BANK1: variants seen among roughly 807,000 people sequenced by gnomAD.
BANK1 encodes the protein B-cell scaffold protein with ankyrin repeats.
In BANK1, 95 loss-of-function variants were observed where a neutral mutation model predicts 94.5. The observed-to-expected ratio is 1.00, with a 90% CI of 0.85 to 1.19. BANK1 has a LOEUF of 1.19. Ranked by LOEUF, BANK1 falls within the 50% of genes most tolerant of loss-of-function variation. The probability of loss-of-function intolerance (pLI) is 0.00; values close to 1 mark genes in which losing one functional copy is unlikely to be tolerated. For synonymous variants in BANK1, 334 were observed against 308.4 expected (o/e 1.08, Z -0.87); for missense variants, 987 against 932.2 (o/e 1.06, Z -0.77).
At chr4:101,847,772 C>CAT (rs780642709) in intron 2 of BANK1, among the ~76,000 whole-genome samples, 3 of 141,866 alleles carry the variant, frequency 2.1e-5, no homozygotes, top group Non-Finnish European at 4.6e-5. Context: ...CACACACACA[C>CAT]ACATATGTCT....
intron 4 of BANK1, among the ~76,000 whole-genome samples, chr4:101,867,961 A>G (rs1258733863): frequency 1.3e-5 from 2 of 151,670 alleles, no homozygotes; most frequent in African/African-American, 4.8e-5. Flanking sequence ...AGTGAAGCCA[A>G]GTAAGAACTA....
At chr4:101,946,108 TCAAA>T (rs1277269844) in intron 7 of BANK1, among the ~76,000 whole-genome samples, 7 of 151,842 alleles carry the variant, frequency 4.6e-5, no homozygotes, top group Admixed American at 1.3e-4. Flanking sequence ...TTGACAATAA[TCAAA>T]CAAATGATAA....
At position 101,830,244 on chromosome 4, in the gene BANK1, G is replaced by A. The variant is rs201603698; in HGVS notation, c.469+38G>A. ...AACCTTGTTTGTTTTATTTTTATTT[G>A]TTTTTTTTTTTTTGTAATTAAAGAA... On this transcript the variant is annotated intron_variant, in intron 2 of 16. Transcript: ENST00000322953. The A allele has an allele frequency of 1.0e-5, 13 of 1,286,464 alleles. No individual in the cohort carries two copies. The African/African-American group carries it at 1.9e-4, about 18-fold the overall frequency. 79.7% of individuals were successfully genotyped at this position (1,286,464 alleles called of 1,614,324 possible).
At chr4:101,873,116 A>T (rs1560611088) in intron 5 of BANK1, among the ~76,000 whole-genome samples, 2 of 151,742 alleles carry the variant, frequency 1.3e-5, no homozygotes, top group Non-Finnish European at 2.9e-5. Context: ...CTACTCAGCC[A>T]TTTTTTTTAA....
At chr4:101,996,443 G>C (rs953330640) in intron 7 of BANK1, among the ~76,000 whole-genome samples, 4 of 152,160 alleles carry the variant, frequency 2.6e-5, no homozygotes, top group Admixed American at 2.0e-4. Context: ...ATTTAAAGTA[G>C]TGTTTTTCTA....
chr4:101,878,345 A>G (rs952092062), intron 5 of BANK1, among the ~76,000 whole-genome samples: 15 of 152,200 alleles, frequency 9.9e-5, no homozygotes, highest in African/African-American at 2.9e-4. Context: ...GACAAAAACT[A>G]TGAAAAGCGA....
At chr4:101,828,533 G>A (rs541012934) in intron 1 of BANK1, among the ~76,000 whole-genome samples, 117 of 151,806 alleles carry the variant, frequency 7.7e-4, no homozygotes, top group Admixed American at 2.0e-3. Context: ...TGTGAATCAA[G>A]TTTTCTGCTT....
chr4:101,814,704 G>A (rs1431147109), intron 1 of BANK1, among the ~76,000 whole-genome samples: 1 of 152,150 alleles, frequency 6.6e-6, no homozygotes, highest in Non-Finnish European at 1.5e-5. Context: ...GTGACCTTGG[G>A]CAAGTCTCTT....
intron 5 of BANK1, among the ~76,000 whole-genome samples, chr4:101,883,880 C>T (rs368935267): frequency 4.6e-5 from 7 of 152,292 alleles, no homozygotes; most frequent in African/African-American, 1.4e-4. Flanking sequence ...CTCAAATCAT[C>T]AATAACTCTT....
At chr4:101,876,324 T>C (rs1400666514) in intron 5 of BANK1, among the ~76,000 whole-genome samples, 4 of 152,166 alleles carry the variant, frequency 2.6e-5, no homozygotes, top group Admixed American at 2.6e-4. Context: ...AAAGGGAACC[T>C]TGTCTATCCC....
chr4:101,943,000 C>G (rs1364582643), intron 7 of BANK1, among the ~76,000 whole-genome samples: 1 of 151,824 alleles, frequency 6.6e-6, no homozygotes, highest in Non-Finnish European at 1.5e-5. Flanking sequence ...AAATGCCATT[C>G]TACCTCTAAA....
intron 10 of BANK1, among the ~76,000 whole-genome samples, chr4:102,037,201 A>G (rs964564019): frequency 6.6e-6 from 1 of 152,220 alleles, no homozygotes; most frequent in Non-Finnish European, 1.5e-5. Context: ...TAAGAACAGT[A>G]CTAGTGACAT....
At chr4:102,051,844 C>G (rs1728057613) in intron 11 of BANK1, among the ~76,000 whole-genome samples, 1 of 152,036 alleles carries the variant, frequency 6.6e-6, no homozygotes, top group Non-Finnish European at 1.5e-5. Context: ...AAGTAAAGCT[C>G]TAAAATGGAG....
intron 7 of BANK1, among the ~76,000 whole-genome samples, chr4:102,002,614 A>C (rs1726119383): frequency 6.6e-6 from 1 of 151,746 alleles, no homozygotes; most frequent in Non-Finnish European, 1.5e-5. Flanking sequence ...CTCATATACA[A>C]AAAGATTTTT....
At chr4:101,839,954 T>A (rs1205532856) in intron 2 of BANK1, among the ~76,000 whole-genome samples, 1,172 of 35,774 alleles carry the variant, frequency 0.033, 72 homozygotes, top group African/African-American at 0.093. Context: ...TTTTTTTTTT[T>A]TTTTTTTTTT....
rs146879626 is a variant in BANK1, at chr4:101,805,528, G to A, written c.70+14578G>A. On this transcript the variant is annotated intron_variant, in intron 1 of 16. Coordinates refer to ENST00000322953, the MANE Select transcript of BANK1 (RefSeq NM_017935.5). Reference sequence around the variant, plus strand: ...AAAAAGGACAAATAAAGCTGTAGCCGTTTCTGAATGCCACATGAACAGCCT... The same window carrying A: ...AAAAAGGACAAATAAAGCTGTAGCCATTTCTGAATGCCACATGAACAGCCT... Among the ~76,000 whole-genome samples the A allele has an allele frequency of 1.2e-3, 185 of 151,488 alleles. 1 individual carries two copies. Among genetic ancestry groups the A allele is most frequent in the African/African-American group, 3.8e-3 (159 of 41,380 alleles).
intron 5 of BANK1, among the ~76,000 whole-genome samples, chr4:101,878,355 A>C (rs532437455): frequency 6.6e-6 from 1 of 152,208 alleles, no homozygotes; most frequent in African/African-American, 2.4e-5. Flanking sequence ...ATGAAAAGCG[A>C]CAGAAAAGTT....
In BANK1 at chr4:102,071,249, AGAACAT is replaced by A. The variant is rs1728749685; in HGVS notation, c.2213-24_2213-19del. ...AGATAAATATTGAACAAAACTCAGT[AGAACAT>A]GCTTTTTTTTGTCTTCCAGATAAAC... On this transcript the variant is annotated intron_variant, in intron 13 of 16. Transcript: ENST00000322953. 10 of 1,611,882 alleles carry A rather than the reference AGAACAT, an allele frequency of 6.2e-6. No homozygotes were observed. Among genetic ancestry groups the A allele is most frequent in the Non-Finnish European group, 7.6e-6 (9 of 1,178,026 alleles).
chr4:101,858,978 G>A (rs955444326), intron 3 of BANK1, among the ~76,000 whole-genome samples: 1 of 152,100 alleles, frequency 6.6e-6, no homozygotes, highest in Non-Finnish European at 1.5e-5. Flanking sequence ...ATGAAAGAAT[G>A]TAACTCTTAA....
Sources: gnomAD v4.1 joint callset for allele counts (sites outside exome capture counted in the v4.1 genomes callset) on GRCh38, gnomAD v4.1.1 for gene constraint, MANE v1.5 for transcripts, NCBI Gene and HGNC (gene_info 2026-07-23, HGNC 2026-07-21) for gene names.